Variants in POLH observed in about 807,000 individuals in gnomAD.
The protein encoded by POLH is DNA polymerase eta, also known as DNA polymerase eta transcript.
POLH carries 53 observed loss-of-function variants against 73.6 expected under a neutral mutation model. The observed-to-expected ratio is 0.72, with a 90% CI of 0.58 to 0.91. POLH has a LOEUF of 0.91. Among genes scored for constraint, POLH ranks in the 40% least tolerant of loss-of-function variants. The probability of loss-of-function intolerance (pLI) is 0.00; values close to 1 mark genes in which losing one functional copy is unlikely to be tolerated. For synonymous variants in POLH, 292 were observed against 308.5 expected (o/e 0.95, Z 0.56); for missense variants, 768 against 865.4 (o/e 0.89, Z 1.41).
chr6:43,592,164 C>T (rs539138163), intron 4 of POLH, among the ~76,000 whole-genome samples: 2 of 152,124 alleles, frequency 1.3e-5, no homozygotes, highest in Non-Finnish European at 2.9e-5. Flanking sequence ...TATTTCATAT[C>T]ATATTCCTGA....
intron 2 of POLH, 29 bp from the exon 3 acceptor site, chr6:43,582,976 GTT>G: frequency 1.3e-6 from 2 of 1,594,514 alleles, no homozygotes; most frequent in Non-Finnish European, 1.7e-6. Context: ...CATATAATAT[GTT>G]TTCTGTTTCC....
chr6:43,578,829 A>T (rs1429891417), intron 1 of POLH, among the ~76,000 whole-genome samples: 1 of 152,128 alleles, frequency 6.6e-6, no homozygotes, highest in South Asian at 2.1e-4. Flanking sequence ...TTGTCTGTCA[A>T]CTGATTCCGT....
At chr6:43,593,083 T>C (rs9333525) in intron 4 of POLH, among the ~76,000 whole-genome samples, 3,237 of 152,318 alleles carry the variant, frequency 0.021, 110 homozygotes, top group African/African-American at 0.072. Context: ...CCATGTTACC[T>C]GTGAACTCAT....
intron 4 of POLH, among the ~76,000 whole-genome samples, chr6:43,592,404 C>CT (rs897203358): frequency 0.06 from 7,961 of 131,766 alleles, 692 homozygotes; most frequent in African/African-American, 0.19. Flanking sequence ...TTTGTATCTT[C>CT]TTTTTTTTTT....
chr6:43,603,694 G>T (rs1306996598), intron 6 of POLH, among the ~76,000 whole-genome samples, 198 bp from the exon 7 acceptor site: 1 of 152,144 alleles, frequency 6.6e-6, no homozygotes, highest in Non-Finnish European at 1.5e-5. Flanking sequence ...GTTAATCAAG[G>T]ACTTTAACCT....
At chr6:43,582,495 ACACAGTGG>A in intron 2 of POLH, 39 bp downstream of exon 2, 2 of 1,599,086 alleles carry the variant, frequency 1.3e-6, no homozygotes, top group Non-Finnish European at 1.7e-6. Flanking sequence ...TTCAATGGTA[ACACAGTGG>A]CACTGTGGCA....
intron 7 of POLH, among the ~76,000 whole-genome samples, chr6:43,604,305 G>C (rs1397327928): frequency 6.6e-6 from 1 of 152,140 alleles, no homozygotes; most frequent in Non-Finnish European, 1.5e-5. Context: ...TAAAATCCTT[G>C]TGTTTAATGC....
chr6:43,613,877 G>A lies in POLH; in HGVS notation c.1462G>A (p.Ala488Thr). The A allele has an allele frequency of 6.2e-7, 1 of 1,614,148 alleles. No individual in the cohort carries two copies. Among genetic ancestry groups the A allele is most frequent in the Non-Finnish European group, 8.5e-7 (1 of 1,180,046 alleles). The change falls in exon 11 of 11, where the codon GCA becomes ACA. Residue 488 changes from alanine to threonine, a missense_variant. Ala to Thr is a moderately conservative substitution (Grantham distance 58). Coordinates refer to ENST00000372236, the MANE Select transcript of POLH (RefSeq NM_006502.3). Reference protein sequence around the residue: ...TSLESFFQKAAERQKVKEASL... With the variant: ...TSLESFFQKATERQKVKEASL... ...TCTGGAATCATTCTTCCAAAAAGCT[G>A]CAGAAAGGCAGAAAGTTAAAGAAGC...
intron 4 of POLH, among the ~76,000 whole-genome samples, chr6:43,592,929 C>G (rs1236001159): frequency 6.6e-6 from 1 of 152,142 alleles, no homozygotes; most frequent in East Asian, 1.9e-4. Flanking sequence ...GTTGCCCGGG[C>G]TGGTCTTGAT....
intron 10 of POLH, among the ~76,000 whole-genome samples, chr6:43,611,738 TATA>T (rs1288181582): frequency 6.6e-6 from 1 of 152,076 alleles, no homozygotes; most frequent in Non-Finnish European, 1.5e-5. Context: ...TGTACAGACC[TATA>T]ATATGGTGGA....
chr6:43,614,118 C>T lies in POLH; in HGVS notation c.1703C>T (p.Pro568Leu). 1.9e-6 allele frequency: 3 copies of T among 1,614,018 alleles called. No homozygotes were observed. Among genetic ancestry groups the T allele is most frequent in the Non-Finnish European group, 1.7e-6 (2 of 1,179,896 alleles). The change falls in exon 11 of 11, where the codon CCA (proline) becomes CTA (leucine). Residue 568 changes from proline (P) to leucine (L), a missense_variant. Transcript: ENST00000372236. ...SNCKALPNSL[P>L]TEYPGCVPVC... is the part of the protein sequence containing the mutation. ...TGTAAAGCATTACCAAACTCTTTACCAACAGAGTATCCAGGGTGTGTCCCT... is the reference window on the plus strand; with the variant it reads ...TGTAAAGCATTACCAAACTCTTTACTAACAGAGTATCCAGGGTGTGTCCCT...
intron 9 of POLH, among the ~76,000 whole-genome samples, chr6:43,609,787 G>A (rs938481131): frequency 3.3e-5 from 5 of 152,084 alleles, no homozygotes; most frequent in Admixed American, 3.3e-4. Flanking sequence ...CCTTCCTTCA[G>A]TCACAAAATA....
At position 43,620,247 on chromosome 6, in the gene POLH, A is replaced by AT; in HGVS notation, c.*5693dup. On this transcript the variant is annotated 3_prime_UTR_variant, in exon 11 of 11. Coordinates refer to ENST00000372236, the MANE Select transcript of POLH (RefSeq NM_006502.3). Reference sequence around the variant, plus strand: ...CTCTTCAAATACAGGGTAGCTACCTATTTCACGTGAAAGGCCTCAGTATTC... The same window carrying AT: ...CTCTTCAAATACAGGGTAGCTACCTATTTTCACGTGAAAGGCCTCAGTATTC... 1 of 516,294 alleles carries AT rather than the reference A, an allele frequency of 1.9e-6. No homozygotes were observed. The highest frequency in any genetic ancestry group is 3.9e-6 in the Non-Finnish European group (1 of 259,382). 32.0% of individuals were successfully genotyped at this position (516,294 alleles called of 1,614,324 possible). A position where few individuals can be genotyped will look rare whatever the true frequency, so the allele number is the denominator to read the frequency against.
At chr6:43,589,043 T>C (rs929678647) in intron 4 of POLH, among the ~76,000 whole-genome samples, 8 of 151,730 alleles carry the variant, frequency 5.3e-5, no homozygotes, top group African/African-American at 1.9e-4. Context: ...TTTCACCGTG[T>C]TAGCCAAGAT....
intron 3 of POLH, among the ~76,000 whole-genome samples, chr6:43,583,717 G>A (rs146612943): frequency 1.3e-5 from 2 of 152,236 alleles, no homozygotes; most frequent in Non-Finnish European, 2.9e-5. Flanking sequence ...TCACATGCCA[G>A]GCACAGTGTT....
At chr6:43,611,196 T>TA (rs760949187) in intron 10 of POLH, among the ~76,000 whole-genome samples, 5 of 152,226 alleles carry the variant, frequency 3.3e-5, no homozygotes, top group African/African-American at 7.2e-5. Flanking sequence ...CGACAGCTGA[T>TA]ACATTCCAGT....
chr6:43,610,662 A>G lies in POLH; in HGVS notation c.1183A>G (p.Met395Val), dbSNP rs748135541. 3.1e-6 allele frequency: 5 copies of G among 1,613,356 alleles called. No homozygotes were observed. Among genetic ancestry groups the G allele is most frequent in the Non-Finnish European group, 4.2e-6 (5 of 1,179,624 alleles). ...CALTRYDAHKMSHDAFTVIKN... is the reference protein window; with the variant it reads ...CALTRYDAHKVSHDAFTVIKN... ...CCTTACCCGCTATGATGCTCACAAG[A>G]TGAGCCATGATGCATTTACTGTCAT... The change falls in exon 10 of 11, where the codon ATG becomes GTG. Residue 395 changes from methionine to valine, a missense_variant. Coordinates refer to ENST00000372236, the MANE Select transcript of POLH (RefSeq NM_006502.3).
chr6:43,581,312 C>T (rs1424458860), intron 1 of POLH, among the ~76,000 whole-genome samples: 3 of 146,324 alleles, frequency 2.1e-5, no homozygotes, highest in Non-Finnish European at 3.0e-5. Flanking sequence ...CGGGCAGAGA[C>T]GCTCCTCACT....
chr6:43,604,406 C>CA (rs1159415603), intron 7 of POLH, among the ~76,000 whole-genome samples: 2 of 152,176 alleles, frequency 1.3e-5, no homozygotes, highest in African/African-American at 4.8e-5. Context: ...CTTTAGAAGA[C>CA]AAAACCAGTG....
Sources: allele counts gnomAD v4.1 joint callset (sites outside exome capture counted in the v4.1 genomes callset), GRCh38; gene constraint gnomAD v4.1.1; transcripts MANE v1.5; gene names NCBI Gene and HGNC (gene_info 2026-07-23, HGNC 2026-07-21).